Variants in ZNF33A observed in about 807,000 individuals in gnomAD.
ZNF33A encodes brain my041 protein.
A neutral mutation model predicts 15.9 loss-of-function variants in ZNF33A; 9 were observed. The observed-to-expected ratio is 0.57, with a 90% confidence interval of 0.34 to 0.99. The LOEUF (loss-of-function observed/expected upper bound fraction) is 0.99, where lower values mean the gene tolerates loss of function less well. Among genes scored for constraint, ZNF33A ranks in the 50% least tolerant of loss-of-function variants. The pLI, the probability that ZNF33A is intolerant of heterozygous loss-of-function variation, is 0.02. For synonymous variants in ZNF33A, 294 were observed against 324.2 expected (o/e 0.91, Z 1.00); for missense variants, 843 against 941.6 (o/e 0.90, Z 1.37).
rs1284618367 is a variant in ZNF33A, at chr10:38,055,788, GTCCCGAATGTGGGAAAT to G, written c.1667_1683del (p.Pro556LeufsTer2). 6.3e-7 allele frequency: 1 copy of G among 1,585,192 alleles called. No individual in the cohort carries two copies. The highest frequency in any genetic ancestry group is 1.7e-5 in the Admixed American group (1 of 57,644). On this transcript the variant is annotated frameshift_variant, in exon 5 of 5. Transcript: ENST00000432900. LOFTEE classifies it low-confidence loss of function (END_TRUNC). ...CACACAGGGCAGAAACCCTTTGCAT[GTCCCGAATGTGGGAAAT>G]TCTTTAGCCATAAGTCAACCCTCTC...
At chr10:38,066,527 C>G (rs1241236488), downstream of ZNF33A, among the ~76,000 whole-genome samples, 1 of 150,388 alleles carries the variant, frequency 6.6e-6, no homozygotes, top group African/African-American at 2.4e-5. Context: ...GCTGGGATTA[C>G]AGGCATGAGC....
At position 38,034,843 on chromosome 10, in the gene ZNF33A, G is replaced by A. The variant is rs561443882; in HGVS notation, c.250+17457G>A. On this transcript the variant is annotated intron_variant, in intron 4 of 4. Coordinates refer to ENST00000432900, the MANE Select transcript of ZNF33A (RefSeq NM_006954.2). Reference sequence around the variant, plus strand: ...AAATGGTATTAGAAACCAAGATAGGGGCTAATGGTGTGCTTGCAGCAGTAG... The same window carrying A: ...AAATGGTATTAGAAACCAAGATAGGAGCTAATGGTGTGCTTGCAGCAGTAG... Among the ~76,000 whole-genome samples the A allele has an allele frequency of 5.3e-5, 8 of 152,212 alleles. No individual in the cohort carries two copies. The South Asian group carries it at 1.7e-3, about 32-fold the overall frequency.
At position 38,058,236 on chromosome 10, in the gene ZNF33A, A is replaced by G; in HGVS notation, c.*1676A>G. 5.2e-6 allele frequency: 1 copy of G among 190,638 alleles called. No individual in the cohort carries two copies. The highest frequency in any genetic ancestry group is 9.7e-6 in the Non-Finnish European group (1 of 103,368). The allele number at this position is 190,638 out of a possible 1,614,324, so 11.8% of individuals were successfully genotyped here. ...AGGTCAGTAAAATTGATAAACCTCT[A>G]GCTAGCTTAAGAACAAACAGAAGAC... On this transcript the variant is annotated 3_prime_UTR_variant, in exon 5 of 5. Coordinates refer to ENST00000432900, the MANE Select transcript of ZNF33A (RefSeq NM_006954.2).
chr10:38,014,429 T>C (rs2064350934), intron 2 of ZNF33A, among the ~76,000 whole-genome samples: 2 of 152,234 alleles, frequency 1.3e-5, no homozygotes, highest in South Asian at 4.1e-4. Context: ...CTAGTCTAGA[T>C]GACTTTTCCT....
At chr10:38,031,855 C>G (rs957283945) in intron 4 of ZNF33A, among the ~76,000 whole-genome samples, 2 of 151,104 alleles carry the variant, frequency 1.3e-5, no homozygotes, top group Non-Finnish European at 3.0e-5. Context: ...CCCAGCTACT[C>G]GGGAGGCTGA....
rs2066569021 is a variant in ZNF33A, at chr10:38,058,365, A to T, written c.*1805A>T. 1 of 152,238 alleles carries T rather than the reference A, an allele frequency of 6.6e-6. No homozygotes were observed. The highest frequency in any genetic ancestry group is 1.5e-5 in the Non-Finnish European group (1 of 68,094). The allele number at this position is 152,238 out of a possible 1,614,324, so 9.4% of individuals were successfully genotyped here. A position where few individuals can be genotyped will look rare whatever the true frequency, so the allele number is the denominator to read the frequency against. On this transcript the variant is annotated 3_prime_UTR_variant, in exon 5 of 5. Transcript: ENST00000432900. ...GACAACTCTGTCCATAAATTTGATA[A>T]CTTAGCTAAAATGGACCAATTCCTT...
At chr10:38,032,774 A>C (rs1423630823) in intron 4 of ZNF33A, among the ~76,000 whole-genome samples, 1 of 148,518 alleles carries the variant, frequency 6.7e-6, no homozygotes, top group African/African-American at 2.5e-5. Flanking sequence ...TTGAGACAGA[A>C]TCTTACTCTG....
intron 4 of ZNF33A, among the ~76,000 whole-genome samples, chr10:38,037,695 A>G (rs1312835933): frequency 6.6e-6 from 1 of 152,178 alleles, no homozygotes; most frequent in Non-Finnish European, 1.5e-5. Context: ...AATATATAGT[A>G]GTGTTTATTT....
In ZNF33A at chr10:38,054,519, C is replaced by A. The variant is rs1460162849; in HGVS notation, c.395C>A (p.Ser132Tyr). The A allele has an allele frequency of 1.2e-6, 2 of 1,612,852 alleles. No individual in the cohort carries two copies. The highest frequency in any genetic ancestry group is 1.1e-5 in the South Asian group (1 of 90,622). The change falls in exon 5 of 5, where the codon TCT (serine) becomes TAT (tyrosine). Residue 132 changes from serine (S) to tyrosine (Y), a missense_variant. Transcript: ENST00000432900. ...IGIPFNVDVS[S>Y]FPSRKMFCQC... ...ATACCATTTAATGTGGATGTAAGTTCTTTTCCTTCCAGAAAAATGTTCTGT... is the reference window on the plus strand; with the variant it reads ...ATACCATTTAATGTGGATGTAAGTTATTTTCCTTCCAGAAAAATGTTCTGT...
rs1487547397 is a variant in ZNF33A at position 38,056,384 on chromosome 10, T to C, written c.2260T>C (p.Cys754Arg). The C allele has an allele frequency of 1.2e-6, 2 of 1,614,012 alleles. No individual in the cohort carries two copies. Among genetic ancestry groups the C allele is most frequent in the African/African-American group, 2.7e-5 (2 of 74,946 alleles). Residue 754 changes from cysteine to arginine, a missense_variant, in exon 5 of 5, where the codon TGC becomes CGC. Coordinates refer to ENST00000432900, the MANE Select transcript of ZNF33A (RefSeq NM_006954.2). ...GGAAAAGCCCTATGAATGTAACACATGCAGGAAAACTTTCTCTCAAAAGTC... is the reference window on the plus strand; with the variant it reads ...GGAAAAGCCCTATGAATGTAACACACGCAGGAAAACTTTCTCTCAAAAGTC... Reference protein sequence around the residue: ...TGEKPYECNTCRKTFSQKSNL... With the variant: ...TGEKPYECNTRRKTFSQKSNL...
At chr10:38,040,425 T>C (rs1321939834) in intron 4 of ZNF33A, among the ~76,000 whole-genome samples, 1 of 152,180 alleles carries the variant, frequency 6.6e-6, no homozygotes. Context: ...TGTAGACTTG[T>C]ATATTTTTTT....
intron 4 of ZNF33A, among the ~76,000 whole-genome samples, chr10:38,035,827 A>G (rs2065427736): frequency 6.6e-6 from 1 of 151,904 alleles, no homozygotes; most frequent in Non-Finnish European, 1.5e-5. Context: ...CTTTCATAAA[A>G]GAAAAGAAAA....
At chr10:38,029,247 CA>C (rs1331451309) in intron 4 of ZNF33A, among the ~76,000 whole-genome samples, 1 of 152,070 alleles carries the variant, frequency 6.6e-6, no homozygotes, top group Non-Finnish European at 1.5e-5. Context: ...TTAGTAGTAA[CA>C]AACTCTTCAG....
chr10:38,055,819 G>C lies in ZNF33A; in HGVS notation c.1695G>C (p.Lys565Asn). The change falls in exon 5 of 5, where the codon AAG becomes AAC. Residue 565 changes from lysine (K) to asparagine (N), a missense_variant. Physicochemically the swap from Lys to Asn is moderately conservative, Grantham distance 94. Coordinates refer to ENST00000432900, the MANE Select transcript of ZNF33A (RefSeq NM_006954.2). ...CPECGKFFSH[K>N]STLSQHYRTH... ...AATGTGGGAAATTCTTTAGCCATAA[G>C]TCAACCCTCTCTCAACATTATAGAA... The C allele has an allele frequency of 6.2e-7, 1 of 1,613,430 alleles. No homozygotes were observed. Among genetic ancestry groups the C allele is most frequent in the Non-Finnish European group, 8.5e-7 (1 of 1,179,712 alleles).
downstream of ZNF33A, among the ~76,000 whole-genome samples, chr10:38,061,761 G>C (rs1450334876): frequency 2.0e-5 from 3 of 152,232 alleles, no homozygotes; most frequent in Non-Finnish European, 4.4e-5. Flanking sequence ...AGGAGTTCAA[G>C]ACTAGCCTGG....
chr10:38,059,119 A>G lies in ZNF33A; in HGVS notation c.*2559A>G, dbSNP rs1196994988. ...AGCAGCTCAAAGATGAAATACGATC[A>G]TATCAATAGGTACAGAAAAAGCATT... is the stretch of plus-strand genomic sequence containing the variant. On this transcript the variant is annotated 3_prime_UTR_variant, in exon 5 of 5. Transcript: ENST00000432900. 1 of 152,254 alleles carries G rather than the reference A, an allele frequency of 6.6e-6. No individual in the cohort carries two copies. Among genetic ancestry groups the G allele is most frequent in the South Asian group, 2.1e-4 (1 of 4,834 alleles). The allele number at this position is 152,254 out of a possible 1,614,324, so 9.4% of individuals were successfully genotyped here.
At chr10:38,031,749 G>A (rs1228775776) in intron 4 of ZNF33A, among the ~76,000 whole-genome samples, 1 of 151,928 alleles carries the variant, frequency 6.6e-6, no homozygotes, top group Non-Finnish European at 1.5e-5. Flanking sequence ...CAGATCATGA[G>A]GTCAGGAGAT....
In ZNF33A at chr10:38,054,995, T is replaced by C; in HGVS notation, c.871T>C (p.Ser291Pro). The part of the protein sequence containing the change: ...EKFLCVKSTL[S>P]KPHGVSMKHY... ...GTTCTTATGTGTGAAGTCCACCCTT[T>C]CTAAACCTCATGGGGTATCTATGAA... Residue 291 changes from serine (S) to proline (P), a missense_variant, in exon 5 of 5, where the codon TCT becomes CCT. Transcript: ENST00000432900. The C allele has an allele frequency of 6.2e-7, 1 of 1,614,112 alleles. No individual in the cohort carries two copies. The highest frequency in any genetic ancestry group is 8.5e-7 in the Non-Finnish European group (1 of 1,179,986).
In ZNF33A at chr10:38,056,730, G is replaced by T; in HGVS notation, c.*170G>T. The T allele has an allele frequency of 8.0e-7, 1 of 1,247,702 alleles. No individual in the cohort carries two copies. The highest frequency in any genetic ancestry group is 1.0e-6 in the Non-Finnish European group (1 of 996,454). The allele number at this position is 1,247,702 out of a possible 1,614,324, so 77.3% of individuals were successfully genotyped here. On this transcript the variant is annotated 3_prime_UTR_variant, in exon 5 of 5. Transcript: ENST00000432900. ...TTTTTTTGAATTTGTGAAAGTTTTT[G>T]GCAAAAATGCAAATAAGGTTATGTT...
Sources: gnomAD v4.1 joint callset for allele counts (sites outside exome capture counted in the v4.1 genomes callset) on GRCh38, gnomAD v4.1.1 for gene constraint, MANE v1.5 for transcripts, NCBI Gene and HGNC (gene_info 2026-07-23, HGNC 2026-07-21) for gene names.